The following PTPRK variants were observed in gnomAD, a reference collection of about 807,000 sequenced individuals.
The protein encoded by PTPRK is receptor-type tyrosine-protein phosphatase kappa.
PTPRK carries 75 observed loss-of-function variants against 178.0 expected under a neutral mutation model. That is an observed-to-expected ratio of 0.42 (90% CI 0.35 to 0.51). The LOEUF (loss-of-function observed/expected upper bound fraction) is 0.51. PTPRK is among the 20% of genes least tolerant of loss of function. PTPRK has a pLI of 0.02. For missense variants in PTPRK, 1,441 were observed against 1,797.8 expected (o/e 0.80, Z 3.59); for synonymous variants, 637 against 620.6 (o/e 1.03, Z -0.39).
chr6:128,299,554 C>A (rs1053496625), intron 3 of PTPRK, among the ~76,000 whole-genome samples: 1 of 151,206 alleles, frequency 6.6e-6, no homozygotes, highest in African/African-American at 2.4e-5. Flanking sequence ...ACAGAGCCCT[C>A]AGAAATAATG....
chr6:127,981,377 T>C, intron 24 of PTPRK, 88 bp from the exon 25 acceptor site: 1 of 1,196,520 alleles, frequency 8.4e-7, no homozygotes. Flanking sequence ...GAAGGCCAAG[T>C]AGAAAGTGAA....
chr6:128,464,894 A>G (rs1448764000), intron 1 of PTPRK, among the ~76,000 whole-genome samples: 2 of 150,980 alleles, frequency 1.3e-5, no homozygotes, highest in African/African-American at 2.4e-5. Flanking sequence ...AGGAGTTGCA[A>G]TAACAGAGGT....
intron 3 of PTPRK, among the ~76,000 whole-genome samples, chr6:128,270,205 T>C (rs966243127): frequency 3.9e-5 from 6 of 152,114 alleles, no homozygotes; most frequent in Non-Finnish European, 8.8e-5. Context: ...CCATGTGTTA[T>C]TAAAATAAAA....
chr6:128,177,109 C>G lies in PTPRK; in HGVS notation c.1162+7323G>C, dbSNP rs950329377. 3.3e-5 allele frequency among the ~76,000 whole-genome samples: 5 copies of G among 151,640 alleles called. No homozygotes were observed. In the East Asian group the frequency reaches 9.7e-4, roughly 29 times the overall value. The stretch of plus-strand genomic sequence containing the variant: ...CTATACCTCATAGTGACCCCAATAG[C>G]ACCATCAAAGAAAAGTCTCAAACTC... On this transcript the variant is annotated intron_variant, in intron 7 of 29. Transcript: ENST00000368226.
chr6:128,159,704 T>C (rs1485597057), intron 7 of PTPRK, among the ~76,000 whole-genome samples: 1 of 151,758 alleles, frequency 6.6e-6, no homozygotes, highest in African/African-American at 2.4e-5. Context: ...GACGTAAACT[T>C]GTACAGGACC....
chr6:128,172,846 G>A (rs7767531), intron 7 of PTPRK, among the ~76,000 whole-genome samples: 23 of 151,448 alleles, frequency 1.5e-4, no homozygotes, highest in African/African-American at 5.3e-4. Flanking sequence ...TCACACACAC[G>A]AACTATAGGT....
chr6:128,177,397 A>G (rs1222945802), intron 7 of PTPRK, among the ~76,000 whole-genome samples: 2 of 151,846 alleles, frequency 1.3e-5, no homozygotes, highest in African/African-American at 2.4e-5. Flanking sequence ...CTACCTGAAG[A>G]TTTATTGTAG....
intron 2 of PTPRK, among the ~76,000 whole-genome samples, chr6:128,380,272 G>A (rs1324312952): frequency 6.6e-6 from 1 of 151,946 alleles, no homozygotes; most frequent in South Asian, 2.1e-4. Flanking sequence ...TCCTTGAAAG[G>A]ATGAAAATAA....
intron 1 of PTPRK, among the ~76,000 whole-genome samples, chr6:128,444,871 T>C (rs761897868): frequency 1.3e-5 from 2 of 152,128 alleles, no homozygotes; most frequent in Non-Finnish European, 2.9e-5. Context: ...GGTGAAATTA[T>C]TGAGAGAAAA....
intron 2 of PTPRK, among the ~76,000 whole-genome samples, chr6:128,385,875 T>C (rs1300429235): frequency 6.6e-6 from 1 of 152,158 alleles, no homozygotes; most frequent in African/African-American, 2.4e-5. Context: ...CTATACCAGG[T>C]TACTAAGCCA....
chr6:128,068,404 A>T (rs1009578763), intron 11 of PTPRK, among the ~76,000 whole-genome samples: 2 of 152,214 alleles, frequency 1.3e-5, no homozygotes, highest in African/African-American at 4.8e-5. Flanking sequence ...TCACAACCGA[A>T]ATAGACCGCC....
intron 25 of PTPRK, among the ~76,000 whole-genome samples, chr6:127,979,615 A>G (rs1460227660): frequency 6.6e-6 from 1 of 152,200 alleles, no homozygotes; most frequent in Non-Finnish European, 1.5e-5. Context: ...GGCAAGAGTG[A>G]CCACAGCAAG....
intron 1 of PTPRK, among the ~76,000 whole-genome samples, chr6:128,450,011 G>C (rs1267874612): frequency 6.6e-6 from 1 of 151,104 alleles, no homozygotes; most frequent in Non-Finnish European, 1.5e-5. Flanking sequence ...GGGAGGCTGA[G>C]ACACCAGAAT....
chr6:128,063,083 T>C (rs1240264401), intron 13 of PTPRK, among the ~76,000 whole-genome samples: 1 of 152,278 alleles, frequency 6.6e-6, no homozygotes, highest in East Asian at 1.9e-4. Context: ...AAAAAATTCC[T>C]AAGGGACACA....
intron 1 of PTPRK, among the ~76,000 whole-genome samples, chr6:128,424,476 T>A (rs889591484): frequency 2.6e-5 from 4 of 152,178 alleles, no homozygotes; most frequent in Non-Finnish European, 4.4e-5. Flanking sequence ...AGTAAGTAAA[T>A]AAGTGCGATG....
At chr6:128,103,336 T>G (rs1789112923) in intron 7 of PTPRK, among the ~76,000 whole-genome samples, 1 of 152,060 alleles carries the variant, frequency 6.6e-6, no homozygotes, top group African/African-American at 2.4e-5. Flanking sequence ...TGTGACCTGA[T>G]TCTTCCTGGA....
intron 13 of PTPRK, among the ~76,000 whole-genome samples, chr6:128,029,737 C>T (rs1193451262): frequency 6.6e-6 from 1 of 151,322 alleles, no homozygotes; most frequent in African/African-American, 2.4e-5. Context: ...AACTAACACA[C>T]CAAATGAAGG....
chr6:128,477,719 C>T (rs961510557), intron 1 of PTPRK, among the ~76,000 whole-genome samples: 1 of 152,040 alleles, frequency 6.6e-6, no homozygotes, highest in Non-Finnish European at 1.5e-5. Flanking sequence ...TAACATGTAG[C>T]TGATATTTGT....
At chr6:128,267,059 G>T (rs549513993) in intron 3 of PTPRK, among the ~76,000 whole-genome samples, 1 of 151,818 alleles carries the variant, frequency 6.6e-6, no homozygotes, top group Non-Finnish European at 1.5e-5. Context: ...ATGCTAATTC[G>T]ATATTTAAGT....
Sources: allele counts gnomAD v4.1 joint callset (sites outside exome capture counted in the v4.1 genomes callset), GRCh38; gene constraint gnomAD v4.1.1; transcripts MANE v1.5; gene names NCBI Gene and HGNC (gene_info 2026-07-23, HGNC 2026-07-21).